Variants in CRLF1 observed in about 807,000 individuals in gnomAD.
CRLF1 encodes cytokine receptor-like factor 1.
CRLF1 carries 36 observed loss-of-function variants against 48.9 expected under a neutral mutation model. That is an observed-to-expected ratio of 0.74 (90% CI 0.56 to 0.97). The LOEUF (loss-of-function observed/expected upper bound fraction) is 0.97. Among genes scored for constraint, CRLF1 ranks in the 50% least tolerant of loss-of-function variants. The pLI, the probability that CRLF1 is intolerant of heterozygous loss-of-function variation, is 0.00. For missense variants in CRLF1, 534 were observed against 575.1 expected, an observed-to-expected ratio of 0.93 and a Z score of 0.73; for synonymous variants, 256 against 253.4, an observed-to-expected ratio of 1.01 and a Z score of -0.10.
intron 1 of CRLF1, 99 bp from the exon 2 acceptor site, chr19:18,599,945 G>T: frequency 1.6e-6 from 2 of 1,245,524 alleles, no homozygotes; most frequent in Non-Finnish European, 2.2e-6. Flanking sequence ...CTGAAAAGAC[G>T]CTGTTAATGA....
chr19:18,606,305 C>T lies in CRLF1; in HGVS notation c.115+237G>A, dbSNP rs1397781373. On this transcript the variant is annotated intron_variant, in intron 1 of 8. Coordinates refer to ENST00000392386, the MANE Select transcript of CRLF1 (RefSeq NM_004750.5). This position sits in a 1 kb window ranked among gnomAD's most constrained non-coding sequence, Gnocchi z 4.8. ...AGCCCCCGGGGGCCTGGCCTGGCGC[C>T]CTCGGCCCAGCTGCCCAGGTAACAG... is the stretch of plus-strand genomic sequence containing the variant. 6.6e-6 allele frequency among the ~76,000 whole-genome samples: 1 copy of T among 151,510 alleles called. No individual in the cohort carries two copies. Among genetic ancestry groups the T allele is most frequent in the Non-Finnish European group, 1.5e-5 (1 of 67,740 alleles).
intron 1 of CRLF1, among the ~76,000 whole-genome samples, chr19:18,602,130 A>C (rs1456053005): frequency 2.0e-5 from 3 of 152,178 alleles, no homozygotes; most frequent in Admixed American, 6.5e-5. Context: ...GGGGACGCCC[A>C]TGGGTGGTTG....
intron 1 of CRLF1, among the ~76,000 whole-genome samples, chr19:18,602,628 A>T (rs148675536): frequency 3.9e-5 from 6 of 152,072 alleles, no homozygotes; most frequent in Admixed American, 1.3e-4. Flanking sequence ...AAAAGAAATA[A>T]AAAATTTAGA....
chr19:18,594,030 G>GCGGGGGGGCCCC, intron 8 of CRLF1, 35 bp downstream of exon 8: 1 of 1,315,310 alleles, frequency 7.6e-7, no homozygotes, highest in Non-Finnish European at 1.1e-6. Context: ...CCCTCCCCTT[G>GCGGGGGGGCCCC]CTCCCTCCCG....
chr19:18,598,590 T>G lies in CRLF1; in HGVS notation c.539A>C (p.Gln180Pro), dbSNP rs756344545. The G allele has an allele frequency of 8.1e-6, 13 of 1,614,002 alleles. No homozygotes were observed. The highest frequency in any genetic ancestry group is 1.1e-5 in the Non-Finnish European group (13 of 1,179,948). Residue 180 changes from glutamine to proline, a missense_variant, in exon 4 of 9, where the codon CAG (glutamine) becomes CCG (proline). Physicochemically the swap from Gln to Pro is moderately conservative, Grantham distance 76. Around this residue, in one of 2 missense-constraint regions of CRLF1, gnomAD observed 528 missense variants for 555.7 expected, o/e 0.95. Transcript: ENST00000392386. ...GTGGTACTCCTCACATGTGTTGTCC[T>G]GGCCATACCACCTGCGGGGATGGGA... ...SLKYKLRWYG[Q>P]DNTCEEYHTV...
chr19:18,596,756 C>T lies in CRLF1; in HGVS notation c.890G>A (p.Arg297His), dbSNP rs777271351. The T allele has an allele frequency of 1.2e-6, 2 of 1,613,728 alleles. No individual in the cohort carries two copies. The highest frequency in any genetic ancestry group is 1.7e-6 in the Non-Finnish European group (2 of 1,179,984). ...VDDVSNQTSC[R>H]LAGLKPGTVY... ...GGTGCCGGGTTTCAGGCCGGCCAGGCGGCAGGAGGTCTGGTTGCTCACATC... is the reference window on the plus strand; with the variant it reads ...GGTGCCGGGTTTCAGGCCGGCCAGGTGGCAGGAGGTCTGGTTGCTCACATC... The change falls in exon 6 of 9, where the codon CGC (arginine) becomes CAC (histidine). Residue 297 changes from arginine (R) to histidine (H), a missense_variant. Transcript: ENST00000392386.
intron 6 of CRLF1, 57 bp downstream of exon 6, chr19:18,596,565 G>A (rs958089533): frequency 2.5e-6 from 4 of 1,576,132 alleles, no homozygotes; most frequent in Admixed American, 1.8e-5. Context: ...AGGAAACAGA[G>A]GCTCTAGCTG....
intron 4 of CRLF1, among the ~76,000 whole-genome samples, chr19:18,597,883 A>G (rs1432313871): frequency 6.6e-6 from 1 of 151,522 alleles, no homozygotes; most frequent in Non-Finnish European, 1.5e-5. Context: ...ACCCAGGCGT[A>G]TGTGTGTGTT....
rs551604812 is a variant in CRLF1 at position 18,599,966 on chromosome 19, T to C, written c.116-120A>G. The C allele has an allele frequency of 9.5e-5, 105 of 1,102,148 alleles. 1 individual carries two copies. In the East Asian group the frequency reaches 2.7e-3, roughly 28 times the overall value. The allele number at this position is 1,102,148 out of a possible 1,614,324, so 68.3% of individuals were successfully genotyped here. On this transcript the variant is annotated intron_variant, in intron 1 of 8. Coordinates refer to ENST00000392386, the MANE Select transcript of CRLF1 (RefSeq NM_004750.5). ...AGACGCTGTTAATGATTGTCCCCCA[T>C]TTTACAGATAGGGAAGGTAGAGATC...
chr19:18,596,837 A>T, intron 5 of CRLF1, 47 bp from the exon 6 acceptor site: 1 of 1,610,764 alleles, frequency 6.2e-7, no homozygotes. Context: ...GCCTAGCAGG[A>T]GCGGGGGCGG....
chr19:18,594,798 A>G (rs1218440760), intron 6 of CRLF1, among the ~76,000 whole-genome samples: 1 of 151,984 alleles, frequency 6.6e-6, no homozygotes, highest in Non-Finnish European at 1.5e-5. Flanking sequence ...GGGCCGAAAA[A>G]GAGAAAGGGA....
At chr19:18,594,032 T>TGGGCGGCC in intron 8 of CRLF1, 33 bp downstream of exon 8, 1 of 695,810 alleles carries the variant, frequency 1.4e-6, no homozygotes, top group Non-Finnish European at 2.2e-6. Flanking sequence ...CTCCCCTTGC[T>TGGGCGGCC]CCCTCCCGCC....
At chr19:18,601,320 A>C (rs866824893) in intron 1 of CRLF1, among the ~76,000 whole-genome samples, 1 of 150,818 alleles carries the variant, frequency 6.6e-6, no homozygotes, top group South Asian at 2.1e-4. Flanking sequence ...CTTGTTGCCC[A>C]GGCTGGAGTG....
chr19:18,596,814 A>C, intron 5 of CRLF1, 24 bp from the exon 6 acceptor site: 2 of 1,611,928 alleles, frequency 1.2e-6, no homozygotes, highest in Non-Finnish European at 1.7e-6. Flanking sequence ...ACAAGGTCAG[A>C]GTAGAGGGCG....
At position 18,606,239 on chromosome 19, in the gene CRLF1, C is replaced by T. The variant is rs1311162120; in HGVS notation, c.115+303G>A. 6.6e-6 allele frequency among the ~76,000 whole-genome samples: 1 copy of T among 151,824 alleles called. No homozygotes were observed. Among genetic ancestry groups the T allele is most frequent in the Non-Finnish European group, 1.5e-5 (1 of 67,854 alleles). Reference sequence around the variant, plus strand: ...CACCGAAGCAGACGCGTGCGCCCGCCACGTCCTGGCATGCAGAGGGTCTCA... The same window carrying T: ...CACCGAAGCAGACGCGTGCGCCCGCTACGTCCTGGCATGCAGAGGGTCTCA... On this transcript the variant is annotated intron_variant, in intron 1 of 8. Coordinates refer to ENST00000392386, the MANE Select transcript of CRLF1 (RefSeq NM_004750.5). This position sits in a 1 kb window ranked among gnomAD's most constrained non-coding sequence, Gnocchi z 4.8.
chr19:18,595,245 C>T (rs565669206), intron 6 of CRLF1, among the ~76,000 whole-genome samples: 3 of 152,364 alleles, frequency 2.0e-5, no homozygotes, highest in East Asian at 1.9e-4. Context: ...CCCCTGCGGA[C>T]GCAGCGGCCT....
intron 1 of CRLF1, among the ~76,000 whole-genome samples, chr19:18,605,991 G>A (rs926006227): frequency 6.6e-6 from 1 of 152,028 alleles, no homozygotes; most frequent in Non-Finnish European, 1.5e-5. Flanking sequence ...CCGTGCGCCG[G>A]GTCCCGCAGG....
chr19:18,606,625 T>A lies in CRLF1; in HGVS notation c.32A>T (p.Gln11Leu), dbSNP rs1976301146. 9.9e-7 allele frequency: 1 copy of A among 1,009,108 alleles called. No homozygotes were observed. The highest frequency in any genetic ancestry group is 1.8e-5 in the African/African-American group (1 of 56,818). The allele number at this position is 1,009,108 out of a possible 1,614,324, so 62.5% of individuals were successfully genotyped here. The change falls in exon 1 of 9, where the codon CAA becomes CTA. Residue 11 changes from glutamine (Q) to leucine (L), a missense_variant. Physicochemically the swap from Gln to Leu is moderately radical, Grantham distance 113. Around this residue, in one of 2 missense-constraint regions of CRLF1, gnomAD observed 6 missense variants for 19.4 expected, o/e 0.31. Transcript: ENST00000392386. The surrounding 1 kb of genome is among the most constrained non-coding windows in gnomAD (Gnocchi z 4.8). MPAGRRGPAA[Q>L]SARRPPPLLP... ...CAACGGCGGCGGCCGCCGCGCGGAT[T>A]GGGCGGCGGGGCCCCGGCGGCCGGC...
Position 18,606,467 on chromosome 19 carries a change from TC to T in CRLF1, c.115+74del. On this transcript the variant is annotated intron_variant, in intron 1 of 8. Coordinates refer to ENST00000392386, the MANE Select transcript of CRLF1 (RefSeq NM_004750.5). The surrounding 1 kb of genome is among the most constrained non-coding windows in gnomAD (Gnocchi z 4.8). ...CCGTCCAGGTGGCGCCCGCGCCCCC[TC>T]CCCCCGCGGCTGCCCCCGGGGCGCC... 19 of 1,038,642 alleles carry T rather than the reference TC, an allele frequency of 1.8e-5. No homozygotes were observed. The highest frequency in any genetic ancestry group is 1.2e-4 in the East Asian group (2 of 16,324). The allele number at this position is 1,038,642 out of a possible 1,614,324, so 64.3% of individuals were successfully genotyped here. A position where few individuals can be genotyped will look rare whatever the true frequency, so the allele number is the denominator to read the frequency against.
Sources: gnomAD v4.1 joint callset for allele counts (sites outside exome capture counted in the v4.1 genomes callset) on GRCh38, gnomAD v4.1.1 for gene constraint, gnomAD v4.1.1 regional missense constraint, Gnocchi (gnomAD v3.1) non-coding constraint, MANE v1.5 for transcripts, NCBI Gene and HGNC (gene_info 2026-07-23, HGNC 2026-07-21) for gene names.